The following PSD3 variants were observed in gnomAD, a reference collection of about 807,000 sequenced individuals.
PSD3 encodes the protein pleckstrin and Sec7 domain containing 3, also known as PH and SEC7 domain-containing protein 3.
Under a neutral mutation model 105.5 loss-of-function variants are expected in PSD3, and 49 were observed. That is an observed-to-expected ratio of 0.46 (90% CI 0.37 to 0.59). PSD3 has a LOEUF of 0.59. Ranked by LOEUF, PSD3 falls within the 20% of genes least tolerant of loss-of-function variation. The pLI, the probability that PSD3 is intolerant of heterozygous loss-of-function variation, is 0.00. For synonymous variants in PSD3, 557 were observed against 457.8 expected (o/e 1.22, Z -2.77); for missense variants, 1,561 against 1,263.8 (o/e 1.24, Z -3.57).
chr8:18,802,494 T>G, intron 6 of PSD3: 1 of 202,326 alleles, frequency 4.9e-6, no homozygotes, highest in East Asian at 1.0e-4. Context: ...ATTAACAAAC[T>G]ATATATTGAC....
At chr8:18,556,846 T>A (rs1368382498) in intron 14 of PSD3, among the ~76,000 whole-genome samples, 2 of 152,240 alleles carry the variant, frequency 1.3e-5, no homozygotes, top group Admixed American at 1.3e-4. Context: ...AAAAATTTCT[T>A]CTCTGAAGCT....
intron 15 of PSD3, among the ~76,000 whole-genome samples, chr8:18,554,750 A>G (rs1800967483): frequency 6.6e-6 from 1 of 152,124 alleles, no homozygotes; most frequent in Non-Finnish European, 1.5e-5. Flanking sequence ...GATGAAAATA[A>G]CTTCAGCTTA....
intron 14 of PSD3, among the ~76,000 whole-genome samples, chr8:18,561,462 G>C (rs1444301858): frequency 1.3e-5 from 2 of 152,114 alleles, no homozygotes; most frequent in African/African-American, 2.4e-5. Flanking sequence ...GTTACCAGAG[G>C]CTGGGGGCAA....
chr8:18,867,552 C>CATTT, intron 4 of PSD3, 122 bp downstream of exon 4: 1 of 1,265,968 alleles, frequency 7.9e-7, no homozygotes, highest in Non-Finnish European at 1.1e-6. Context: ...TTACTCACAT[C>CATTT]ATTTGCTTAT....
intron 1 of PSD3, among the ~76,000 whole-genome samples, chr8:19,047,243 C>T (rs1828352832): frequency 6.6e-6 from 1 of 152,200 alleles, no homozygotes; most frequent in Admixed American, 6.5e-5. Flanking sequence ...AGGTCCCTCT[C>T]TAACTCTGCA....
chr8:18,945,313 T>C (rs1822792092), intron 1 of PSD3, among the ~76,000 whole-genome samples: 1 of 18,916 alleles, frequency 5.3e-5, no homozygotes, highest in Non-Finnish European at 1.3e-4. Context: ...AAAGAAAGAT[T>C]ATGAGGCAGA....
rs115870067 is a variant in PSD3 at position 19,057,816 on chromosome 8, T to C, written c.324+26390A>G. Among the ~76,000 whole-genome samples the C allele has an allele frequency of 8.8e-3, 1,337 of 152,312 alleles. 18 individuals carry two copies. Among genetic ancestry groups the C allele is most frequent in the African/African-American group, 0.031 (1,284 of 41,566 alleles). On this transcript the variant is annotated intron_variant, in intron 1 of 1. Transcript: ENST00000521475. Reference sequence around the variant, plus strand: ...AATACTGGCAAGGATGTGGAGAAACTAGCTCTCGCATACATTGCTGGTGGG... The same window carrying C: ...AATACTGGCAAGGATGTGGAGAAACCAGCTCTCGCATACATTGCTGGTGGG...
chr8:18,626,078 C>T (rs1174483698), intron 11 of PSD3, among the ~76,000 whole-genome samples: 5 of 151,976 alleles, frequency 3.3e-5, no homozygotes, highest in African/African-American at 7.2e-5. Flanking sequence ...CCCTTAATGT[C>T]AGATTTAATA....
intron 1 of PSD3, among the ~76,000 whole-genome samples, chr8:19,079,274 T>C (rs967993724): frequency 2.0e-5 from 3 of 152,172 alleles, no homozygotes; most frequent in Non-Finnish European, 2.9e-5. Context: ...AAAACCAACG[T>C]AGCGTAAAAT....
At chr8:18,826,514 G>A (rs1017190025) in intron 4 of PSD3, among the ~76,000 whole-genome samples, 22 of 152,214 alleles carry the variant, frequency 1.4e-4, no homozygotes, top group African/African-American at 5.1e-4. Context: ...TATATTCCCT[G>A]TGATGTAAAT....
chr8:18,797,796 A>G (rs1358405843), intron 8 of PSD3, among the ~76,000 whole-genome samples: 1 of 152,128 alleles, frequency 6.6e-6, no homozygotes, highest in Non-Finnish European at 1.5e-5. Context: ...TCCTCCCACC[A>G]TTAAACTTTT....
intron 9 of PSD3, among the ~76,000 whole-genome samples, chr8:18,683,009 CT>C (rs1800471591): frequency 6.6e-6 from 1 of 152,166 alleles, no homozygotes; most frequent in African/African-American, 2.4e-5. Flanking sequence ...ATTTTTAAAC[CT>C]GTGGAGTGGG....
At chr8:18,776,335 A>G (rs1298579887) in intron 8 of PSD3, among the ~76,000 whole-genome samples, 1 of 147,254 alleles carries the variant, frequency 6.8e-6, no homozygotes, top group East Asian at 1.9e-4. Context: ...AACTATATAA[A>G]TATATATAGT....
intron 14 of PSD3, among the ~76,000 whole-genome samples, chr8:18,560,175 TACACACACACACACACACAC>T (rs5889808): frequency 1.4e-5 from 2 of 143,342 alleles, no homozygotes; most frequent in Admixed American, 7.0e-5. Context: ...ATACACATTT[TACACACACACACACACACAC>T]ACACACACAC....
At chr8:18,733,286 A>T (rs1803904611) in intron 9 of PSD3, 1 of 152,194 alleles carries the variant, frequency 6.6e-6, no homozygotes, top group African/African-American at 2.4e-5. Flanking sequence ...TTAGGGTCAT[A>T]ATTGTATAAG....
chr8:19,044,914 G>A (rs555389931), intron 1 of PSD3, among the ~76,000 whole-genome samples: 127 of 152,338 alleles, frequency 8.3e-4, no homozygotes, highest in African/African-American at 3.0e-3. Flanking sequence ...GCTGGGCATG[G>A]CGGATCATGC....
In PSD3 at chr8:18,765,129, T is replaced by C. The variant is rs530020061; in HGVS notation, c.2172+320A>G. On this transcript the variant is annotated intron_variant, in intron 9 of 15. Coordinates refer to ENST00000327040, the MANE Select transcript of PSD3 (RefSeq NM_015310.4). ...TGCTACTCTGTTTCCGTAGTGCATA[T>C]ACCTTTGGGATCTTTCTTAAATTCT... Among the ~76,000 whole-genome samples, 16 of 152,318 alleles carry C rather than the reference T, an allele frequency of 1.1e-4. No homozygotes were observed. The South Asian group carries it at 3.1e-3, about 30-fold the overall frequency.
At chr8:18,965,191 G>A (rs1586541404) in intron 1 of PSD3, among the ~76,000 whole-genome samples, 1 of 152,046 alleles carries the variant, frequency 6.6e-6, no homozygotes, top group Non-Finnish European at 1.5e-5. Context: ...TTTAAACTTT[G>A]CTGTTTTCTA....
chr8:19,030,457 G>T (rs1355677713), intron 1 of PSD3, among the ~76,000 whole-genome samples: 1 of 152,118 alleles, frequency 6.6e-6, no homozygotes, highest in Non-Finnish European at 1.5e-5. Flanking sequence ...TGGGGTGAAT[G>T]ATCCATGGCT....
Sources: gnomAD v4.1 joint callset for allele counts (sites outside exome capture counted in the v4.1 genomes callset) on GRCh38, gnomAD v4.1.1 for gene constraint, MANE v1.5 for transcripts, NCBI Gene and HGNC (gene_info 2026-07-23, HGNC 2026-07-21) for gene names.